ZDHHC2: variants seen among roughly 807,000 people sequenced by gnomAD.
ZDHHC2 encodes zDHHC palmitoyltransferase 2.
A neutral mutation model predicts 55.6 loss-of-function variants in ZDHHC2; 51 were observed. That is an observed-to-expected ratio of 0.92 (90% CI 0.73 to 1.16). ZDHHC2 has a LOEUF of 1.16. ZDHHC2 is among the 50% of genes most tolerant of loss of function. The pLI, the probability that ZDHHC2 is intolerant of heterozygous loss-of-function variation, is 0.00. For missense variants in ZDHHC2, 491 were observed against 442.4 expected, an observed-to-expected ratio of 1.11 and a Z score of -0.99; for synonymous variants, 199 against 152.9, an observed-to-expected ratio of 1.30 and a Z score of -2.22.
intron 3 of ZDHHC2, among the ~76,000 whole-genome samples, chr8:17,194,677 A>G (rs1294825382): frequency 6.6e-6 from 1 of 152,184 alleles, no homozygotes; most frequent in Non-Finnish European, 1.5e-5. Flanking sequence ...TGTTCAGTAT[A>G]CTGAGGTTCT....
chr8:17,159,724 G>C (rs1415827401), intron 1 of ZDHHC2, among the ~76,000 whole-genome samples: 1 of 152,014 alleles, frequency 6.6e-6, no homozygotes, highest in African/African-American at 2.4e-5. Flanking sequence ...AGTATTTTTG[G>C]TTAAGTCAGC....
intron 1 of ZDHHC2, 21 bp downstream of exon 1, chr8:17,156,874 G>GGCGCCCCCAGCGCA (rs1554546596): frequency 5.4e-6 from 8 of 1,483,836 alleles, no homozygotes; most frequent in East Asian, 3.0e-5. Flanking sequence ...CCCCCGCCGC[G>GGCGCCCCCAGCGCA]GCGCCCCCAG....
rs865781578 is a variant in ZDHHC2 at position 17,209,955 on chromosome 8, C to T, written c.754C>T (p.Arg252Ter). Residue 252 changes from arginine to a stop codon, truncating the protein, a stop_gained, in exon 9 of 13, where the codon CGA becomes TGA. Transcript: ENST00000262096. LOFTEE classifies it high-confidence loss of function. ...AGAGGCATTCAGAAGTCCAGTATTT[C>T]GACATGGAACAGATAAGAATGGATT... ...TLEAFRSPVFRHGTDKNGFSL... is the reference protein window; with the variant it reads ...TLEAFRSPVF The T allele has an allele frequency of 3.1e-6, 5 of 1,608,902 alleles. No individual in the cohort carries two copies. Among genetic ancestry groups the T allele is most frequent in the Non-Finnish European group, 2.5e-6 (3 of 1,177,692 alleles).
rs138764975 is a variant in ZDHHC2 at position 17,208,691 on chromosome 8, A to G, written c.730+599A>G. On this transcript the variant is annotated intron_variant, in intron 8 of 12. Transcript: ENST00000262096. ...GAAATGAAACATTATGGAATTCTCA[A>G]ATGAAATCATTACACCAAATACTAT... is the stretch of plus-strand genomic sequence containing the variant. Among the ~76,000 whole-genome samples, 621 of 152,324 alleles carry G rather than the reference A, an allele frequency of 4.1e-3. 5 individuals carry two copies. Among genetic ancestry groups the G allele is most frequent in the African/African-American group, 0.014 (596 of 41,584 alleles).
At chr8:17,196,591 A>C (rs950998791) in intron 4 of ZDHHC2, among the ~76,000 whole-genome samples, 4 of 151,730 alleles carry the variant, frequency 2.6e-5, no homozygotes, top group African/African-American at 9.7e-5. Context: ...TAAAAAAAAA[A>C]AAACAGGAAA....
In ZDHHC2 at chr8:17,156,741, G is replaced by T; in HGVS notation, c.18G>T (p.Pro6=). Reference sequence around the variant, plus strand: ...GCTGGAAGATGGCGCCCTCGGGCCCGGGCAGCAGCGCCAGGCGGCGGTGCC... The same window carrying T: ...GCTGGAAGATGGCGCCCTCGGGCCCTGGCAGCAGCGCCAGGCGGCGGTGCC... MAPSG[P]GSSARRRCRR... The change falls in exon 1 of 13, where the codon CCG becomes CCT. Residue 6 remains proline (P), a synonymous_variant. Coordinates refer to ENST00000262096, the MANE Select transcript of ZDHHC2 (RefSeq NM_016353.5). 2.7e-6 allele frequency: 4 copies of T among 1,491,688 alleles called. No homozygotes were observed. The highest frequency in any genetic ancestry group is 1.5e-5 in the African/African-American group (1 of 68,422). The allele number at this position is 1,491,688 out of a possible 1,614,324, so 92.4% of individuals were successfully genotyped here. A position where few individuals can be genotyped will look rare whatever the true frequency, so the allele number is the denominator to read the frequency against.
intron 1 of ZDHHC2, among the ~76,000 whole-genome samples, chr8:17,167,885 A>G (rs1013892661): frequency 9.8e-5 from 15 of 152,318 alleles, no homozygotes; most frequent in Admixed American, 7.2e-4. Context: ...AAACACTCCA[A>G]CAGCATTGCC....
chr8:17,178,114 G>A (rs1299165055), intron 1 of ZDHHC2, among the ~76,000 whole-genome samples: 1 of 152,106 alleles, frequency 6.6e-6, no homozygotes, highest in Non-Finnish European at 1.5e-5. Flanking sequence ...GTAAGTATCT[G>A]AAAGCTTGAA....
At chr8:17,204,194 A>G (rs898732086) in intron 6 of ZDHHC2, among the ~76,000 whole-genome samples, 1 of 152,132 alleles carries the variant, frequency 6.6e-6, no homozygotes, top group South Asian at 2.1e-4. Flanking sequence ...CCTTTACCTT[A>G]TATTTTTTGA....
intron 1 of ZDHHC2, among the ~76,000 whole-genome samples, chr8:17,179,387 C>G (rs1805319923): frequency 2.0e-5 from 3 of 152,112 alleles, no homozygotes; most frequent in South Asian, 2.1e-4. Context: ...AGATGAAGTT[C>G]TTTTTTTGTT....
chr8:17,192,883 C>A (rs903567456), intron 3 of ZDHHC2, among the ~76,000 whole-genome samples: 2 of 152,186 alleles, frequency 1.3e-5, no homozygotes, highest in African/African-American at 4.8e-5. Context: ...ACTGCCCTTT[C>A]CCCAGTGTAT....
chr8:17,189,194 A>G (rs1319513302), intron 3 of ZDHHC2, among the ~76,000 whole-genome samples: 2 of 145,160 alleles, frequency 1.4e-5, no homozygotes, highest in Admixed American at 7.0e-5. Context: ...TGATCCTTTC[A>G]AAAGACAAGG....
intron 4 of ZDHHC2, among the ~76,000 whole-genome samples, chr8:17,197,147 T>TCCAAAAC (rs1375066548): frequency 4.6e-5 from 7 of 152,204 alleles, no homozygotes; most frequent in African/African-American, 1.7e-4. Flanking sequence ...TTGCTGAGTT[T>TCCAAAAC]CCAAAGCTAG....
At chr8:17,179,526 C>A (rs1805328064) in intron 1 of ZDHHC2, among the ~76,000 whole-genome samples, 1 of 152,114 alleles carries the variant, frequency 6.6e-6, no homozygotes, top group Non-Finnish European at 1.5e-5. Flanking sequence ...CTCCTGCCCC[C>A]AGTCTCCCAA....
intron 6 of ZDHHC2, among the ~76,000 whole-genome samples, chr8:17,199,532 CTGTCTTCGTCTTCT>C (rs1293577134): frequency 0.42 from 48,778 of 117,192 alleles, 12,914 homozygotes; most frequent in Non-Finnish European, 0.55. Context: ...TCTTCGTCTT[CTGTCTTCGTCTTCT>C]GTCTTCGTCT....
chr8:17,165,394 A>G (rs1222488765), intron 1 of ZDHHC2, among the ~76,000 whole-genome samples: 1 of 152,220 alleles, frequency 6.6e-6, no homozygotes, highest in Non-Finnish European at 1.5e-5. Context: ...GACTTAATCA[A>G]GGTCTTAATT....
intron 6 of ZDHHC2, among the ~76,000 whole-genome samples, chr8:17,199,071 G>A (rs780667717): frequency 1.3e-5 from 2 of 152,142 alleles, no homozygotes; most frequent in South Asian, 4.2e-4. Flanking sequence ...GGTTGGATTT[G>A]GGCGTGAGTA....
At chr8:17,210,575 C>A in intron 10 of ZDHHC2, 95 bp downstream of exon 10, 2 of 1,079,776 alleles carry the variant, frequency 1.9e-6, no homozygotes, top group East Asian at 2.7e-5. Flanking sequence ...AAATGAAGAC[C>A]ATAAGAAAAT....
intron 3 of ZDHHC2, among the ~76,000 whole-genome samples, chr8:17,188,447 A>ATGTGTTAAC (rs1805841561): frequency 6.6e-6 from 1 of 152,206 alleles, no homozygotes; most frequent in Non-Finnish European, 1.5e-5. Flanking sequence ...AGTTTCCTGT[A>ATGTGTTAAC]TACAACATGG....
Sources: gnomAD v4.1 joint callset for allele counts (sites outside exome capture counted in the v4.1 genomes callset) on GRCh38, gnomAD v4.1.1 for gene constraint, MANE v1.5 for transcripts, NCBI Gene and HGNC (gene_info 2026-07-23, HGNC 2026-07-21) for gene names.